USP10: variants seen among roughly 807,000 people sequenced by gnomAD.
USP10 encodes ubiquitin carboxyl-terminal hydrolase 10.
USP10 carries 22 observed loss-of-function variants against 84.5 expected under a neutral mutation model. The ratio of observed to expected loss-of-function variants is 0.26; its 90% CI spans 0.19 to 0.37. The LOEUF (loss-of-function observed/expected upper bound fraction) is 0.37. USP10 is among the 10% of genes least tolerant of loss of function. The pLI is 1.00. For missense variants in USP10, 1,019 were observed against 998.9 expected, an observed-to-expected ratio of 1.02 and a Z score of -0.27; for synonymous variants, 454 against 387.6, an observed-to-expected ratio of 1.17 and a Z score of -2.01.
chr16:84,772,427 A>C, intron 11 of USP10, 114 bp from the exon 12 acceptor site: 1 of 1,441,610 alleles, frequency 6.9e-7, no homozygotes, highest in Non-Finnish European at 9.5e-7. Flanking sequence ...AAGTCCTGCC[A>C]CAGGACTCTT....
At chr16:84,767,732 T>C (rs1358955666) in intron 10 of USP10, among the ~76,000 whole-genome samples, 1 of 152,274 alleles carries the variant, frequency 6.6e-6, no homozygotes, top group East Asian at 1.9e-4. Flanking sequence ...GTAGATTTAG[T>C]TGTTAGAAAT....
At chr16:84,755,366 C>T (rs940277497) in intron 4 of USP10, among the ~76,000 whole-genome samples, 1 of 151,776 alleles carries the variant, frequency 6.6e-6, no homozygotes, top group African/African-American at 2.4e-5. Flanking sequence ...GGATCCCTAG[C>T]TCCTTGCACC....
At chr16:84,723,904 A>C (rs1018164766) in intron 1 of USP10, among the ~76,000 whole-genome samples, 7 of 152,194 alleles carry the variant, frequency 4.6e-5, no homozygotes, top group Non-Finnish European at 1.0e-4. Flanking sequence ...CCTTGGCCCC[A>C]GCAAAGATAG....
intron 12 of USP10, among the ~76,000 whole-genome samples, chr16:84,774,958 T>C (rs1285399220): frequency 1.3e-5 from 2 of 152,234 alleles, no homozygotes; most frequent in Non-Finnish European, 2.9e-5. Flanking sequence ...GTGAGCTGGC[T>C]GCACATTTTG....
At chr16:84,719,093 G>A (rs1036695031) in intron 1 of USP10, among the ~76,000 whole-genome samples, 1 of 152,000 alleles carries the variant, frequency 6.6e-6, no homozygotes, top group Non-Finnish European at 1.5e-5. Flanking sequence ...CGCCCGGCCA[G>A]TTTAGTTGTT....
intron 1 of USP10, among the ~76,000 whole-genome samples, chr16:84,707,903 A>T (rs1905749827): frequency 1.3e-5 from 2 of 151,446 alleles, no homozygotes; most frequent in East Asian, 3.9e-4. Flanking sequence ...ACGTAGCAAA[A>T]CTCTTTCTCT....
At position 84,752,979 on chromosome 16, in the gene USP10, T is replaced by C. The variant is rs145489748; in HGVS notation, c.1193-5737T>C. Among the ~76,000 whole-genome samples, 354 of 152,250 alleles carry C rather than the reference T, an allele frequency of 2.3e-3. 1 individual carries two copies. The highest frequency in any genetic ancestry group is 8.1e-3 in the African/African-American group (338 of 41,524). Reference sequence around the variant, plus strand: ...ATTTTTTAAAAACGTATTTTTTTTTTCTTAAGAAACAGGGTCTTGCTCATT... The same window carrying C: ...ATTTTTTAAAAACGTATTTTTTTTTCCTTAAGAAACAGGGTCTTGCTCATT... On this transcript the variant is annotated intron_variant, in intron 4 of 13. Transcript: ENST00000219473.
chr16:84,768,458 C>G, intron 11 of USP10, 100 bp downstream of exon 11: 1 of 1,188,024 alleles, frequency 8.4e-7, no homozygotes, highest in South Asian at 2.5e-5. Context: ...TGAGTTATGC[C>G]TCTTAAATCA....
At chr16:84,767,361 C>G (rs557093623) in intron 10 of USP10, among the ~76,000 whole-genome samples, 51 of 152,102 alleles carry the variant, frequency 3.4e-4, no homozygotes, top group African/African-American at 1.1e-3. Context: ...AAATGAAAAA[C>G]CAGCTAAGAA....
intron 13 of USP10, among the ~76,000 whole-genome samples, chr16:84,778,371 A>G (rs1915238198): frequency 6.6e-6 from 1 of 152,150 alleles, no homozygotes. Context: ...CCGCATCACC[A>G]TTCTTAATCT....
At chr16:84,716,393 T>G (rs1374131857) in intron 1 of USP10, 3 of 152,294 alleles carry the variant, frequency 2.0e-5, no homozygotes, top group African/African-American at 4.8e-5. Context: ...CAAGGTTGGT[T>G]TCTCTGAACT....
intron 3 of USP10, among the ~76,000 whole-genome samples, chr16:84,741,983 A>G (rs546191837): frequency 6.6e-6 from 1 of 152,054 alleles, no homozygotes; most frequent in South Asian, 2.1e-4. Flanking sequence ...GCTCCCTCCC[A>G]CTACCTCCAG....
intron 1 of USP10, among the ~76,000 whole-genome samples, chr16:84,729,020 A>G (rs1266462725): frequency 1.3e-5 from 2 of 151,640 alleles, no homozygotes; most frequent in African/African-American, 4.9e-5. Flanking sequence ...CTGGTCTTGA[A>G]CTCCTGAAGT....
chr16:84,714,777 GGA>G (rs1049949904), intron 1 of USP10, among the ~76,000 whole-genome samples: 43 of 151,632 alleles, frequency 2.8e-4, no homozygotes, highest in African/African-American at 8.5e-4. Flanking sequence ...TGGGGTGAAG[GGA>G]GAGAGATATT....
At chr16:84,758,887 T>C in intron 5 of USP10, 80 bp downstream of exon 5, 2 of 989,556 alleles carry the variant, frequency 2.0e-6, no homozygotes, top group South Asian at 2.6e-5. Flanking sequence ...TAGCTCAGCT[T>C]CCGTGGGCCA....
In USP10 at chr16:84,745,190, A is replaced by C; in HGVS notation, c.709A>C (p.Arg237=). ...CCCCGGAGCACTCGGCAGTGACACC[A>C]GGACTGCAGGGCAGCCAGAGGGGGG... The part of the protein sequence containing the change: ...PFPGALGSDT[R]TAGQPEGGPG... The change falls in exon 4 of 14, where the codon AGG becomes CGG. Residue 237 remains arginine, a synonymous_variant. Transcript: ENST00000219473. 1.2e-6 allele frequency: 2 copies of C among 1,613,348 alleles called. No individual in the cohort carries two copies. Among genetic ancestry groups the C allele is most frequent in the South Asian group, 2.2e-5 (2 of 91,042 alleles).
In USP10 at chr16:84,768,368, C is replaced by T. The variant is rs770340975; in HGVS notation, c.1998+10C>T. On this transcript the variant is annotated intron_variant, in intron 11 of 13. Coordinates refer to ENST00000219473, the MANE Select transcript of USP10 (RefSeq NM_005153.3). ...AAAAACCAAACAAGAGGTATGTTCA[C>T]ACTTGATTTTGAACCTTTCTACTAA... The T allele has an allele frequency of 3.2e-6, 5 of 1,568,496 alleles. No homozygotes were observed. The African/African-American group carries it at 6.8e-5, about 21-fold the overall frequency.
intron 4 of USP10, among the ~76,000 whole-genome samples, chr16:84,750,539 T>C (rs1272890017): frequency 6.6e-6 from 1 of 152,166 alleles, no homozygotes; most frequent in Non-Finnish European, 1.5e-5. Context: ...TTAGCACAGA[T>C]ACTTTGGAGT....
At chr16:84,735,418 C>A (rs41386649) in intron 2 of USP10, among the ~76,000 whole-genome samples, 3 of 152,002 alleles carry the variant, frequency 2.0e-5, no homozygotes, top group African/African-American at 7.3e-5. Flanking sequence ...AAAAGTGCAC[C>A]GTATTTCAAG....
Sources: allele counts gnomAD v4.1 joint callset (sites outside exome capture counted in the v4.1 genomes callset), GRCh38; gene constraint gnomAD v4.1.1; transcripts MANE v1.5; gene names NCBI Gene and HGNC (gene_info 2026-07-23, HGNC 2026-07-21).